SVEP1: variants seen among roughly 807,000 people sequenced by gnomAD.
SVEP1 encodes the protein sushi, von Willebrand factor type A, EGF and pentraxin domain-containing protein 1.
In SVEP1, 164 loss-of-function variants were observed where a neutral mutation model predicts 367.3. That is an observed-to-expected ratio of 0.45 (90% confidence interval 0.39 to 0.51). The LOEUF (loss-of-function observed/expected upper bound fraction) is 0.51, where lower values mean the gene tolerates loss of function less well. SVEP1 is among the 20% of genes least tolerant of loss of function. SVEP1 has a pLI of 0.00. For synonymous variants in SVEP1, 1,666 were observed against 1,611.6 expected (o/e 1.03, Z -0.81); for missense variants, 4,117 against 4,425.3 (o/e 0.93, Z 1.98).
rs771118505 is a variant in SVEP1 at position 110,489,735 on chromosome 9, G to A, written c.1845C>T (p.Phe615=). 6.2e-6 allele frequency: 10 copies of A among 1,613,402 alleles called. No homozygotes were observed. The highest frequency in any genetic ancestry group is 1.7e-5 in the Admixed American group (1 of 59,970). Residue 615 remains phenylalanine (F), a synonymous_variant, in exon 9 of 48, where the codon TTC becomes TTT. Transcript: ENST00000374469. ...VHPAFTPPYL[F]PIGDVAIVYT... ...ATACGATAGCAACATCTCCAATTGG[G>A]AAAAGGTAAGGTGGGGTGAAAGCTG...
chr9:110,521,234 G>A (rs72750769), intron 3 of SVEP1, among the ~76,000 whole-genome samples: 22,416 of 152,178 alleles, frequency 0.15, 2,160 homozygotes, highest in East Asian at 0.35. Flanking sequence ...AATTAGACAA[G>A]GAGACTTTCA....
chr9:110,393,869 C>A (rs967690624), intron 40 of SVEP1, among the ~76,000 whole-genome samples: 3 of 152,232 alleles, frequency 2.0e-5, no homozygotes, highest in Admixed American at 2.0e-4. Context: ...GAAGCTTGAA[C>A]TGGGTGGAGC....
At chr9:110,374,977 ACT>A (rs1827327745) in intron 46 of SVEP1, among the ~76,000 whole-genome samples, 1 of 151,892 alleles carries the variant, frequency 6.6e-6, no homozygotes. Flanking sequence ...TTTCATTTTA[ACT>A]TAAATTGTAT....
At chr9:110,444,824 G>A (rs1177582019) in intron 26 of SVEP1, among the ~76,000 whole-genome samples, 1 of 152,168 alleles carries the variant, frequency 6.6e-6, no homozygotes, top group African/African-American at 2.4e-5. Context: ...TATTCAAGGA[G>A]GCGACAGATT....
intron 14 of SVEP1, among the ~76,000 whole-genome samples, chr9:110,474,226 C>T (rs2118679516): frequency 6.6e-6 from 1 of 152,312 alleles, no homozygotes; most frequent in Non-Finnish European, 1.5e-5. Context: ...TCTCTAACTC[C>T]TGACCTCAGG....
At chr9:110,528,156 G>GTGTGTGTGTATATGTATATA in intron 3 of SVEP1, among the ~76,000 whole-genome samples, 1 of 33,950 alleles carries the variant, frequency 2.9e-5, no homozygotes, top group South Asian at 9.7e-4. Flanking sequence ...GTGTGTGTGT[G>GTGTGTGTGTATATGTATATA]TATATATATA....
In SVEP1 at chr9:110,390,250, CTTATATAA is replaced by C. The variant is rs1262427147; in HGVS notation, c.9823-671_9823-664del. On this transcript the variant is annotated intron_variant, in intron 40 of 47. Transcript: ENST00000374469. The stretch of plus-strand genomic sequence containing the variant: ...ACTTATATAAGTATGTGTATATATA[CTTATATAA>C]GTATGTATATATATACTTATATATA... Among the ~76,000 whole-genome samples the C allele has an allele frequency of 1.1e-3, 125 of 114,926 alleles. 2 individuals carry two copies. The East Asian group carries it at 0.023, about 21-fold the overall frequency. 75.4% of individuals were successfully genotyped at this position (114,926 alleles called of 152,430 possible). A position where few individuals can be genotyped will look rare whatever the true frequency, so the allele number is the denominator to read the frequency against.
chr9:110,537,956 T>C (rs1266244006), intron 3 of SVEP1, among the ~76,000 whole-genome samples: 1 of 151,942 alleles, frequency 6.6e-6, no homozygotes, highest in African/African-American at 2.4e-5. Flanking sequence ...GAGTCTCTTA[T>C]AATGGGGCTA....
At position 110,458,954 on chromosome 9, in the gene SVEP1, G is replaced by T; in HGVS notation, c.3482C>A (p.Ser1161Ter). The change falls in exon 19 of 48, where the codon TCA becomes TAA. Residue 1161 changes from serine (S) to a stop codon, truncating the protein, a stop_gained and splice_region_variant. Coordinates refer to ENST00000374469, the MANE Select transcript of SVEP1 (RefSeq NM_153366.4). LOFTEE classifies it high-confidence loss of function. ...ATAAGAAATGAAGTTCATCTTACTT[G>T]AACATTCTGTGATGGATCTGGAACC... is the stretch of plus-strand genomic sequence containing the variant. ...FAGSRSITEC[S>*]SFSSTFSAAE... The T allele has an allele frequency of 6.2e-7, 1 of 1,611,454 alleles. No homozygotes were observed. The highest frequency in any genetic ancestry group is 1.1e-5 in the South Asian group (1 of 90,836).
intron 3 of SVEP1, among the ~76,000 whole-genome samples, chr9:110,534,178 T>C (rs1830053723): frequency 6.6e-6 from 1 of 152,114 alleles, no homozygotes; most frequent in Non-Finnish European, 1.5e-5. Context: ...TCATTCCCCA[T>C]ACCCTCCACC....
intron 14 of SVEP1, among the ~76,000 whole-genome samples, chr9:110,474,882 ATG>A (rs1357902626): frequency 1.3e-5 from 2 of 152,136 alleles, no homozygotes; most frequent in African/African-American, 4.8e-5. Flanking sequence ...GTGAATAAAA[ATG>A]TCCTCAATAC....
chr9:110,489,585 G>C (rs1829335160), intron 9 of SVEP1, 65 bp downstream of exon 9: 3 of 1,515,322 alleles, frequency 2.0e-6, no homozygotes, highest in Non-Finnish European at 2.7e-6. Context: ...CGACACATGG[G>C]AATTATGGGA....
intron 3 of SVEP1, among the ~76,000 whole-genome samples, chr9:110,526,881 G>C (rs1345836118): frequency 1.3e-5 from 2 of 151,972 alleles, no homozygotes; most frequent in Admixed American, 1.3e-4. Flanking sequence ...CAACCATCTG[G>C]AAAAATCTCT....
chr9:110,429,240 T>G lies in SVEP1; in HGVS notation c.5710A>C (p.Lys1904Gln). The change falls in exon 35 of 48, where the codon AAG becomes CAG. Residue 1904 changes from lysine (K) to glutamine (Q), a missense_variant. Coordinates refer to ENST00000374469, the MANE Select transcript of SVEP1 (RefSeq NM_153366.4). ...TTTATATTTTCCGGACTAGAACACT[T>G]CACTGGTTCACACACAGGAGGGGAA... ...SHSPPVCEPV[K>Q]CSSPENINNG... The G allele has an allele frequency of 6.3e-7, 1 of 1,596,126 alleles. No homozygotes were observed. Among genetic ancestry groups the G allele is most frequent in the Non-Finnish European group, 8.5e-7 (1 of 1,170,738 alleles).
intron 21 of SVEP1, 128 bp downstream of exon 21, chr9:110,457,128 A>C (rs1828787399): frequency 1.5e-6 from 1 of 657,418 alleles, no homozygotes. Flanking sequence ...TTGTTCAACA[A>C]ATTTTGGCAC....
intron 1 of SVEP1, among the ~76,000 whole-genome samples, chr9:110,565,471 A>G (rs573590529): frequency 6.6e-6 from 1 of 152,356 alleles, no homozygotes; most frequent in African/African-American, 2.4e-5. Context: ...GGAAAGAGGC[A>G]GATATCTTGC....
chr9:110,379,456 T>C lies in SVEP1; in HGVS notation c.10299A>G (p.Gln3433=), dbSNP rs906303914. ...ENAIARGVHY[Q]YGDMITYSCY... Reference sequence around the variant, plus strand: ...ATGAGTAGGTGATCATGTCTCCATATTGATAATGTACGCCTCGAGCAATTG... The same window carrying C: ...ATGAGTAGGTGATCATGTCTCCATACTGATAATGTACGCCTCGAGCAATTG... Residue 3433 remains glutamine (Q), a synonymous_variant, in exon 44 of 48, where the codon CAA becomes CAG. Coordinates refer to ENST00000374469, the MANE Select transcript of SVEP1 (RefSeq NM_153366.4). The C allele has an allele frequency of 3.1e-6, 5 of 1,613,836 alleles. No individual in the cohort carries two copies. The highest frequency in any genetic ancestry group is 4.2e-6 in the Non-Finnish European group (5 of 1,179,798).
At chr9:110,458,251 T>C (rs1230487854) in intron 20 of SVEP1, 4 of 607,332 alleles carry the variant, frequency 6.6e-6, no homozygotes, top group African/African-American at 1.9e-5. Flanking sequence ...CAGGCATTTC[T>C]GGGAAAAACT....
At chr9:110,433,342 T>A (rs1202917860) in intron 30 of SVEP1, among the ~76,000 whole-genome samples, 2 of 139,724 alleles carry the variant, frequency 1.4e-5, no homozygotes, top group Non-Finnish European at 3.0e-5. Context: ...ATGGAGCTTA[T>A]TATCTAGTGG....
Sources: allele counts gnomAD v4.1 joint callset (sites outside exome capture counted in the v4.1 genomes callset), GRCh38; gene constraint gnomAD v4.1.1; transcripts MANE v1.5; gene names NCBI Gene and HGNC (gene_info 2026-07-23, HGNC 2026-07-21).